Variants in EML5 observed in about 807,000 individuals in gnomAD.
The protein encoded by EML5 is EMAP like 5.
EML5 carries 120 observed loss-of-function variants against 250.0 expected under a neutral mutation model. The observed-to-expected ratio is 0.48, with a 90% CI of 0.41 to 0.56. EML5 has a LOEUF of 0.56. Ranked by LOEUF, EML5 falls within the 20% of genes least tolerant of loss-of-function variation. The probability of loss-of-function intolerance (pLI) is 0.00; values close to 1 mark genes in which losing one functional copy is unlikely to be tolerated. For synonymous variants in EML5, 771 were observed against 806.5 expected (o/e 0.96, Z 0.75); for missense variants, 2,006 against 2,437.6 (o/e 0.82, Z 3.73).
chr14:88,644,606 C>G, intron 29 of EML5, 95 bp from the exon 30 acceptor site: 1 of 1,129,034 alleles, frequency 8.9e-7, no homozygotes, highest in Non-Finnish European at 1.3e-6. Context: ...TGTCTTGTCA[C>G]ACCTTCCCAA....
intron 8 of EML5, among the ~76,000 whole-genome samples, chr14:88,716,732 AACACACACACACAC>A (rs58701181): frequency 6.8e-6 from 1 of 148,082 alleles, no homozygotes; most frequent in Non-Finnish European, 1.5e-5. Flanking sequence ...ACTGCTCACC[AACACACACACACAC>A]ACACACACAC....
At chr14:88,712,576 T>G in intron 9 of EML5, 93 bp from the exon 10 acceptor site, 1 of 961,226 alleles carries the variant, frequency 1.0e-6, no homozygotes, top group Non-Finnish European at 1.5e-6. Flanking sequence ...TTCCAAAATT[T>G]AATGTATCTT....
intron 27 of EML5, among the ~76,000 whole-genome samples, chr14:88,655,421 C>T (rs1011474724): frequency 1.3e-5 from 2 of 152,064 alleles, no homozygotes; most frequent in Non-Finnish European, 2.9e-5. Context: ...ACTAGCTACC[C>T]GTATGTAGAA....
At chr14:88,737,448 G>A (rs1265482402) in intron 6 of EML5, among the ~76,000 whole-genome samples, 2 of 152,152 alleles carry the variant, frequency 1.3e-5, no homozygotes, top group Non-Finnish European at 1.5e-5. Flanking sequence ...TAAGCCAAGC[G>A]CAGCCTGCCA....
intron 1 of EML5, among the ~76,000 whole-genome samples, chr14:88,773,502 G>C (rs1226940370): frequency 1.3e-5 from 2 of 152,132 alleles, no homozygotes; most frequent in Non-Finnish European, 2.9e-5. Context: ...TAGGTCCTGA[G>C]GTTTTTTTCA....
chr14:88,661,940 A>C, intron 24 of EML5, 110 bp from the exon 25 acceptor site: 1 of 999,592 alleles, frequency 1.0e-6, no homozygotes, highest in Non-Finnish European at 1.4e-6. Flanking sequence ...GTAAAATGAA[A>C]GTTTTAATGA....
intron 1 of EML5, among the ~76,000 whole-genome samples, chr14:88,759,514 C>T (rs2094206815): frequency 6.6e-6 from 1 of 151,432 alleles, no homozygotes; most frequent in Non-Finnish European, 1.5e-5. Context: ...CAAGACCCCA[C>T]CTCTACAAAA....
intron 1 of EML5, among the ~76,000 whole-genome samples, chr14:88,772,870 AT>A (rs1262595461): frequency 6.6e-6 from 1 of 152,146 alleles, no homozygotes; most frequent in Non-Finnish European, 1.5e-5. Context: ...GGCCAAGCTC[AT>A]TATGCTATCA....
At chr14:88,770,888 A>G (rs1350277423) in intron 1 of EML5, among the ~76,000 whole-genome samples, 1 of 152,216 alleles carries the variant, frequency 6.6e-6, no homozygotes, top group East Asian at 1.9e-4. Flanking sequence ...AAATATATGG[A>G]AAGAACAGAT....
intron 24 of EML5, 25 bp from the exon 25 acceptor site, chr14:88,661,855 A>C: frequency 6.3e-7 from 1 of 1,596,038 alleles, no homozygotes; most frequent in South Asian, 1.1e-5. Flanking sequence ...CAATGCTGTA[A>C]GTTTGGATTA....
Position 88,615,707 on chromosome 14 carries a change from C to T in EML5, c.*111G>A. The T allele has an allele frequency of 1.0e-6, 1 of 958,310 alleles. No individual in the cohort carries two copies. The highest frequency in any genetic ancestry group is 1.6e-6 in the Non-Finnish European group (1 of 636,654). The allele number at this position is 958,310 out of a possible 1,614,324, so 59.4% of individuals were successfully genotyped here. A position where few individuals can be genotyped will look rare whatever the true frequency, so the allele number is the denominator to read the frequency against. On this transcript the variant is annotated 3_prime_UTR_variant, in exon 44 of 44. Transcript: ENST00000554922. ...TATTTTGATGATTCTGGGCATTTCT[C>T]CCTGTTACAGTCTTGGGTTAGCACC...
intron 30 of EML5, 34 bp downstream of exon 30, chr14:88,644,399 A>C: frequency 2.5e-6 from 4 of 1,599,068 alleles, no homozygotes; most frequent in Non-Finnish European, 2.6e-6. Context: ...CTCTGGATAC[A>C]TTTCAGTAAC....
chr14:88,621,694 T>G (rs1032155683), intron 37 of EML5: 1 of 281,564 alleles, frequency 3.6e-6, no homozygotes, highest in Admixed American at 4.4e-5. Context: ...ATATGCAGGC[T>G]GAAGATAATA....
At chr14:88,649,820 GT>G in intron 28 of EML5, 91 bp downstream of exon 28, 1 of 1,067,660 alleles carries the variant, frequency 9.4e-7, no homozygotes, top group Non-Finnish European at 1.3e-6. Context: ...GTAGTTAAAT[GT>G]TTTATAGGGA....
rs1422113621 is a variant in EML5 at position 88,644,522 on chromosome 14, G to C, written c.4029-11C>G. On this transcript the variant is annotated splice_polypyrimidine_tract_variant and intron_variant, in intron 29 of 43. Coordinates refer to ENST00000554922, the MANE Select transcript of EML5 (RefSeq NM_183387.3). ...CTGCTCACTGGAGGCCTGCAACAGA[G>C]AAGTGGGGAGGAGGAAAGGCATGCA... 2 of 1,613,304 alleles carry C rather than the reference G, an allele frequency of 1.2e-6. No homozygotes were observed. The highest frequency in any genetic ancestry group is 2.7e-5 in the African/African-American group (2 of 74,850).
rs1206332895 is a variant in EML5 at position 88,726,544 on chromosome 14, A to T, written c.1184T>A (p.Val395Glu). 12 of 1,604,830 alleles carry T rather than the reference A, an allele frequency of 7.5e-6. No individual in the cohort carries two copies. The highest frequency in any genetic ancestry group is 4.0e-5 in the African/African-American group (3 of 74,754). The part of the protein sequence containing the change: ...MKDGSFTVLR[V>E]RDMTEVVHIK... ...TGTTTCTACCCTAATACCATACCTT[A>T]CTCTAAGTACAGTGAATGAGCCATC... Residue 395 changes from valine (V) to glutamate (E), a missense_variant, in exon 8 of 44, where the codon GTA (valine) becomes GAA (glutamate). By Grantham distance (121) the Val-to-Glu change is moderately radical. Transcript: ENST00000554922.
chr14:88,665,342 G>A lies in EML5; in HGVS notation c.3272C>T (p.Ser1091Leu). ...ACAATTTCAATGGATCTTACCAGGT[G>A]AAAATCGAATATCTGAAATCATATC... Reference protein sequence around the residue: ...RKDMISDIRFSPGSGKYLAVA... With the variant: ...RKDMISDIRFLPGSGKYLAVA... Residue 1091 changes from serine to leucine, a missense_variant, in exon 22 of 44, where the codon TCA becomes TTA. Transcript: ENST00000554922. 6.2e-7 allele frequency: 1 copy of A among 1,610,828 alleles called. No individual in the cohort carries two copies. The highest frequency in any genetic ancestry group is 8.5e-7 in the Non-Finnish European group (1 of 1,178,350).
intron 1 of EML5, among the ~76,000 whole-genome samples, chr14:88,764,928 C>T (rs1350753279): frequency 1.3e-5 from 2 of 152,004 alleles, no homozygotes; most frequent in Non-Finnish European, 1.5e-5. Flanking sequence ...AATATATAGC[C>T]TATTTTGGTA....
intron 21 of EML5, among the ~76,000 whole-genome samples, chr14:88,666,588 G>A (rs8005549): frequency 0.65 from 98,544 of 152,036 alleles, 33,804 homozygotes; most frequent in East Asian, 0.94. Flanking sequence ...AGATACATCT[G>A]TATATATACG....
Sources: gnomAD v4.1 joint callset for allele counts (sites outside exome capture counted in the v4.1 genomes callset) on GRCh38, gnomAD v4.1.1 for gene constraint, MANE v1.5 for transcripts, NCBI Gene and HGNC (gene_info 2026-07-23, HGNC 2026-07-21) for gene names.